The following STEAP3 variants were observed in gnomAD, a reference collection of about 807,000 sequenced individuals.
STEAP3 encodes STEAP3 metalloreductase.
STEAP3 carries 35 observed loss-of-function variants against 34.9 expected under a neutral mutation model. The ratio of observed to expected loss-of-function variants is 1.00; its 90% confidence interval spans 0.76 to 1.33. The LOEUF (loss-of-function observed/expected upper bound fraction) is 1.33. STEAP3 is among the 40% of genes most tolerant of loss of function. The pLI, the probability that STEAP3 is intolerant of heterozygous loss-of-function variation, is 0.00. For missense variants in STEAP3, 652 were observed against 667.6 expected (o/e 0.98, Z 0.26); for synonymous variants, 281 against 301.6 (o/e 0.93, Z 0.71).
chr2:119,237,052 G>A (rs1170696342), intron 2 of STEAP3, among the ~76,000 whole-genome samples: 1 of 152,218 alleles, frequency 6.6e-6, no homozygotes, highest in African/African-American at 2.4e-5. Flanking sequence ...AACTTCAGAA[G>A]GTTGCAGAGC....
chr2:119,246,947 A>G (rs1677446051), intron 3 of STEAP3: 1 of 152,184 alleles, frequency 6.6e-6, no homozygotes, highest in African/African-American at 2.4e-5. Flanking sequence ...AAAAATGAAG[A>G]CTATAGTACC....
intron 2 of STEAP3, among the ~76,000 whole-genome samples, chr2:119,236,939 T>C (rs1258785571): frequency 6.6e-6 from 1 of 152,196 alleles, no homozygotes; most frequent in Non-Finnish European, 1.5e-5. Flanking sequence ...CAAGGCACCA[T>C]TTTTACAACA....
chr2:119,263,154 T>C lies in STEAP3; in HGVS notation c.1313T>C (p.Leu438Pro). 1.2e-6 allele frequency: 2 copies of C among 1,614,132 alleles called. No individual in the cohort carries two copies. The highest frequency in any genetic ancestry group is 1.7e-6 in the Non-Finnish European group (2 of 1,180,042). ...AFEESRYKFY[L>P]PPTFTLTLLV... ...GAGGAGAGCCGCTACAAGTTCTACC[T>C]GCCTCCCACCTTCACGCTCACGCTG... is the stretch of plus-strand genomic sequence containing the variant. Residue 438 changes from leucine to proline, a missense_variant, in exon 6 of 6, where the codon CTG (leucine) becomes CCG (proline). Physicochemically the swap from Leu to Pro is moderately conservative, Grantham distance 98. Transcript: ENST00000393110.
Position 119,230,718 on chromosome 2 carries a change from G to A in STEAP3, c.-295G>A, listed in dbSNP as rs906315106. ...GAGTCTGAGCCACTAATTATCACCC[G>A]TGAGGTTTCCTCCCCGAGCAGGAAG... On this transcript the variant is annotated 5_prime_UTR_variant, in exon 2 of 6. The change creates a new upstream start codon in the 5' untranslated region. Transcript: ENST00000393110. The A allele has an allele frequency of 6.7e-5, 35 of 525,106 alleles. No individual in the cohort carries two copies. Among genetic ancestry groups the A allele is most frequent in the South Asian group, 1.1e-4 (5 of 43,924 alleles). 32.5% of individuals were successfully genotyped at this position (525,106 alleles called of 1,614,324 possible).
intron 4 of STEAP3, among the ~76,000 whole-genome samples, chr2:119,253,741 G>T (rs1183262635): frequency 2.0e-5 from 3 of 152,178 alleles, no homozygotes; most frequent in African/African-American, 7.2e-5. Flanking sequence ...CTAGGAGGGG[G>T]CTCAGTGGCA....
intron 5 of STEAP3, chr2:119,257,543 G>A (rs765098351): frequency 1.1e-5 from 17 of 1,542,370 alleles, no homozygotes; most frequent in South Asian, 2.4e-5. Context: ...TACCTGCCCC[G>A]CATCATCAGA....
intron 4 of STEAP3, 84 bp downstream of exon 4, chr2:119,248,290 C>G: frequency 6.9e-7 from 1 of 1,458,336 alleles, no homozygotes; most frequent in Non-Finnish European, 9.2e-7. Flanking sequence ...CAGGTGCAGC[C>G]GATACCCACG....
chr2:119,262,331 T>TATACACA (rs1406648881), intron 5 of STEAP3, among the ~76,000 whole-genome samples: 2 of 133,528 alleles, frequency 1.5e-5, no homozygotes. Flanking sequence ...ACTAGTAAAA[T>TATACACA]TTATACACAC....
At chr2:119,229,767 T>C (rs1168847332) in intron 1 of STEAP3, among the ~76,000 whole-genome samples, 2 of 150,598 alleles carry the variant, frequency 1.3e-5, no homozygotes, top group Non-Finnish European at 3.0e-5. Context: ...GGCCAGGAGG[T>C]TGTCAAGATT....
chr2:119,235,205 C>T (rs1040735322), intron 2 of STEAP3, among the ~76,000 whole-genome samples: 3 of 152,176 alleles, frequency 2.0e-5, no homozygotes, highest in African/African-American at 7.2e-5. Flanking sequence ...ATTGACTCAG[C>T]TAACAATGCC....
Position 119,246,082 on chromosome 2 carries a change from C to T in STEAP3, c.522+94C>T, listed in dbSNP as rs545473477. On this transcript the variant is annotated intron_variant, in intron 3 of 5. Transcript: ENST00000393110. ...CAGCATGCTCTTTTTGATATGTTAT[C>T]ATAACTAATCCTGCATCACTGCAAA... 2.1e-6 allele frequency: 3 copies of T among 1,460,198 alleles called. No homozygotes were observed. In the South Asian group the frequency reaches 4.0e-5, roughly 19 times the overall value. The allele number at this position is 1,460,198 out of a possible 1,614,324, so 90.5% of individuals were successfully genotyped here.
intron 2 of STEAP3, among the ~76,000 whole-genome samples, chr2:119,234,823 G>A (rs1963247): frequency 2.0e-5 from 3 of 152,178 alleles, no homozygotes; most frequent in East Asian, 3.9e-4. Flanking sequence ...TGCCCCACCC[G>A]CCTCCGCTGC....
Position 119,248,155 on chromosome 2 carries a change from G to T in STEAP3, c.999G>T (p.Leu333Phe). ...TGCACGCCCTCTACAGCTTCTGCTTGCCGCTGCGCCGCGCCCACCGCTACG... is the reference window on the plus strand; with the variant it reads ...TGCACGCCCTCTACAGCTTCTGCTTTCCGCTGCGCCGCGCCCACCGCTACG... The part of the protein sequence containing the change: ...AALHALYSFC[L>F]PLRRAHRYDL... Residue 333 changes from leucine to phenylalanine, a missense_variant, in exon 4 of 6, where the codon TTG (leucine) becomes TTT (phenylalanine). Leu to Phe is a conservative substitution (Grantham distance 22). Coordinates refer to ENST00000393110, the MANE Select transcript of STEAP3 (RefSeq NM_182915.3). 6.2e-7 allele frequency: 1 copy of T among 1,605,720 alleles called. No homozygotes were observed.
intron 5 of STEAP3, among the ~76,000 whole-genome samples, chr2:119,262,158 G>A (rs984612791): frequency 2.6e-5 from 4 of 152,098 alleles, no homozygotes; most frequent in Non-Finnish European, 4.4e-5. Context: ...CCAAATCCAC[G>A]TGCCATCTGT....
At position 119,254,690 on chromosome 2, in the gene STEAP3, G is replaced by A; in HGVS notation, c.1057G>A (p.Ala353Thr). The A allele has an allele frequency of 6.2e-7, 1 of 1,614,088 alleles. No individual in the cohort carries two copies. The highest frequency in any genetic ancestry group is 2.2e-5 in the East Asian group (1 of 44,868). The change falls in exon 5 of 6, where the codon GCC (alanine) becomes ACC (threonine). Residue 353 changes from alanine to threonine, a missense_variant. Physicochemically the swap from Ala to Thr is moderately conservative, Grantham distance 58 (BLOSUM62 0). Coordinates refer to ENST00000393110, the MANE Select transcript of STEAP3 (RefSeq NM_182915.3). ...LVNLAVKQVL[A>T]NKSHLWVEEE... Reference sequence around the variant, plus strand: ...TTCCTTCCATCCATGTCAGGTCTTGGCCAACAAGAGCCACCTCTGGGTGGA... The same window carrying A: ...TTCCTTCCATCCATGTCAGGTCTTGACCAACAAGAGCCACCTCTGGGTGGA...
Position 119,264,812 on chromosome 2 carries a change from CCG to C in STEAP3, c.*1476_*1477del, listed in dbSNP as rs146004421. The C allele has an allele frequency of 0.31, 44,946 of 146,378 alleles. 7,944 individuals carry two copies. Among genetic ancestry groups the C allele is most frequent in the East Asian group, 0.64 (3,284 of 5,108 alleles). The allele number at this position is 146,378 out of a possible 1,614,324, so 9.1% of individuals were successfully genotyped here. On this transcript the variant is annotated 3_prime_UTR_variant, in exon 6 of 6. Transcript: ENST00000393110. ...AGATGAGGCTGCCCCTGCCCCCCCC[CCG>C]CCAGGGAGGTTTCATGAGCTCATGT... is the stretch of plus-strand genomic sequence containing the variant.
At chr2:119,246,758 G>A (rs1269143486) in intron 3 of STEAP3, 1 of 152,384 alleles carries the variant, frequency 6.6e-6, no homozygotes, top group African/African-American at 2.4e-5. Context: ...GTTGGATGCA[G>A]GGCCTGGAGG....
chr2:119,224,186 A>C (rs1678961855), intron 1 of STEAP3, among the ~76,000 whole-genome samples: 1 of 152,064 alleles, frequency 6.6e-6, no homozygotes, highest in Non-Finnish European at 1.5e-5. Flanking sequence ...CCGGGTGCAG[A>C]TGTGGGCGCC....
chr2:119,257,396 G>T (rs542659140), intron 5 of STEAP3: 2 of 1,406,164 alleles, frequency 1.4e-6, no homozygotes, highest in East Asian at 5.8e-5. Flanking sequence ...GATGCTGAGG[G>T]ATGGCTCTGG....
Sources: gnomAD v4.1 joint callset for allele counts (sites outside exome capture counted in the v4.1 genomes callset) on GRCh38, gnomAD v4.1.1 for gene constraint, MANE v1.5 for transcripts, NCBI Gene and HGNC (gene_info 2026-07-23, HGNC 2026-07-21) for gene names.